Variants in ABLIM2 observed in about 807,000 individuals in gnomAD.
ABLIM2 encodes the protein actin-binding LIM protein 2.
Under a neutral mutation model 97.7 loss-of-function variants are expected in ABLIM2, and 53 were observed. That is an observed-to-expected ratio of 0.54 (90% CI 0.44 to 0.68). ABLIM2 has a LOEUF of 0.68. Among genes scored for constraint, ABLIM2 ranks in the 30% least tolerant of loss-of-function variants. The probability of loss-of-function intolerance (pLI) is 0.00; values close to 1 mark genes in which losing one functional copy is unlikely to be tolerated. For synonymous variants in ABLIM2, 361 were observed against 345.8 expected (o/e 1.04, Z -0.49); for missense variants, 835 against 867.2 (o/e 0.96, Z 0.47).
At chr4:8,011,363 T>A (rs957559937) in intron 14 of ABLIM2, among the ~76,000 whole-genome samples, 1 of 152,236 alleles carries the variant, frequency 6.6e-6, no homozygotes, top group Admixed American at 6.5e-5. Context: ...AAAAACCAGT[T>A]TGCTAGCCCA....
At chr4:8,066,043 C>T (rs1229342147) in intron 6 of ABLIM2, among the ~76,000 whole-genome samples, 3 of 143,766 alleles carry the variant, frequency 2.1e-5, no homozygotes, top group African/African-American at 5.2e-5. Context: ...GGCTCATGCC[C>T]GTAATCCCAG....
chr4:8,015,086 A>G lies in ABLIM2; in HGVS notation c.1423+4532T>C, dbSNP rs187630513. On this transcript the variant is annotated intron_variant, in intron 14 of 20. Transcript: ENST00000447017. The surrounding 1 kb of genome is among the most constrained non-coding windows in gnomAD (Gnocchi z 4.6). Reference sequence around the variant, plus strand: ...CAGGCGCCGGCCACCACACTTGGCTAATTTTTATATTGTTAGTGGAGACGG... The same window carrying G: ...CAGGCGCCGGCCACCACACTTGGCTGATTTTTATATTGTTAGTGGAGACGG... Among the ~76,000 whole-genome samples the G allele has an allele frequency of 1.5e-3, 231 of 152,062 alleles. 1 individual carries two copies. The highest frequency in any genetic ancestry group is 5.2e-3 in the African/African-American group (215 of 41,498).
rs931688709 is a variant in ABLIM2 at position 8,071,400 on chromosome 4, C to G, written c.675+6228G>C. On this transcript the variant is annotated intron_variant, in intron 6 of 20. Coordinates refer to ENST00000447017, the MANE Select transcript of ABLIM2 (RefSeq NM_001130083.2). The surrounding 1 kb of genome is among the most constrained non-coding windows in gnomAD (Gnocchi z 6.2). ...GGCCAACATGCATGAGGGTGCTGCA[C>G]GTTTAGGAGAAACTGAGGGAGAGAC... Among the ~76,000 whole-genome samples, 1 of 152,150 alleles carries G rather than the reference C, an allele frequency of 6.6e-6. No homozygotes were observed. Among genetic ancestry groups the G allele is most frequent in the African/African-American group, 2.4e-5 (1 of 41,426 alleles).
intron 1 of ABLIM2, among the ~76,000 whole-genome samples, chr4:8,144,400 C>T (rs895700934): frequency 2.6e-5 from 4 of 152,200 alleles, no homozygotes; most frequent in Non-Finnish European, 4.4e-5. Flanking sequence ...CCAGGGCCGC[C>T]GCTGGGGGAC....
rs556013777 is a variant in ABLIM2 at position 7,999,274 on chromosome 4, T to C, written c.1619-6347A>G. On this transcript the variant is annotated intron_variant, in intron 16 of 20. Transcript: ENST00000447017. The surrounding 1 kb of genome is among the most constrained non-coding windows in gnomAD (Gnocchi z 4.4). ...AGGTTTCTCCATGTTGGTCAGGCTA[T>C]CTCGAACTCCCGACCTCAGGTGATC... 2.0e-5 allele frequency among the ~76,000 whole-genome samples: 3 copies of C among 152,068 alleles called. No individual in the cohort carries two copies. The highest frequency in any genetic ancestry group is 1.5e-5 in the Non-Finnish European group (1 of 68,022).
At chr4:8,115,772 T>G (rs975270719) in intron 1 of ABLIM2, among the ~76,000 whole-genome samples, 7 of 152,152 alleles carry the variant, frequency 4.6e-5, no homozygotes, top group Non-Finnish European at 7.4e-5. Flanking sequence ...TGAACCTGGG[T>G]GGACCTCTGC....
intron 1 of ABLIM2, among the ~76,000 whole-genome samples, chr4:8,135,972 G>A (rs1046096861): frequency 1.3e-5 from 2 of 152,168 alleles, no homozygotes; most frequent in South Asian, 2.1e-4. Context: ...CTGCTGACAG[G>A]ACCATTAAAA....
intron 1 of ABLIM2, among the ~76,000 whole-genome samples, chr4:8,136,527 G>A (rs1024936082): frequency 1.6e-4 from 24 of 152,218 alleles, no homozygotes; most frequent in African/African-American, 5.5e-4. Flanking sequence ...AGACATGGGG[G>A]AAGGGCTCTG....
In ABLIM2 at chr4:8,009,090, G is replaced by C. The variant is rs781433817; in HGVS notation, c.1436C>G (p.Ser479Trp). 1 of 1,614,002 alleles carries C rather than the reference G, an allele frequency of 6.2e-7. No individual in the cohort carries two copies. Among genetic ancestry groups the C allele is most frequent in the South Asian group, 1.1e-5 (1 of 91,080 alleles). The part of the protein sequence containing the change: ...PIYRQHAARR[S>W]DGEDGSLDQD... ...GTCCAAGCTTCCATCCTCCCCATCC[G>C]ATCGCCTGGCAGCTGGAAGGGAAAA... The change falls in exon 15 of 21, where the codon TCG (serine) becomes TGG (tryptophan). Residue 479 changes from serine to tryptophan, a missense_variant. Transcript: ENST00000447017.
chr4:8,110,496 C>T (rs1287656215), intron 1 of ABLIM2, among the ~76,000 whole-genome samples: 2 of 152,146 alleles, frequency 1.3e-5, no homozygotes, highest in Admixed American at 6.5e-5. Flanking sequence ...TCTTGTGTTA[C>T]CTGGCCCCAA....
chr4:7,994,769 T>TGCAAG (rs1752002832), intron 16 of ABLIM2, among the ~76,000 whole-genome samples: 2 of 114,070 alleles, frequency 1.8e-5, no homozygotes, highest in African/African-American at 2.8e-5. Context: ...TGTTGTTTCC[T>TGCAAG]GACTTCATGT....
chr4:8,012,512 A>C (rs1377117736), intron 14 of ABLIM2, among the ~76,000 whole-genome samples: 1 of 119,512 alleles, frequency 8.4e-6, no homozygotes, highest in Non-Finnish European at 1.7e-5. Flanking sequence ...CCATCTACCC[A>C]CCCACCCATC....
At chr4:8,014,046 T>G (rs1766976565) in intron 14 of ABLIM2, among the ~76,000 whole-genome samples, 1 of 152,108 alleles carries the variant, frequency 6.6e-6, no homozygotes, top group Non-Finnish European at 1.5e-5. Context: ...GTGCCAGGGG[T>G]GCCAGCCAAG....
At position 8,083,337 on chromosome 4, in the gene ABLIM2, G is replaced by T. The variant is rs572674846; in HGVS notation, c.455-2535C>A. Among the ~76,000 whole-genome samples the T allele has an allele frequency of 6.6e-6, 1 of 152,330 alleles. No homozygotes were observed. Among genetic ancestry groups the T allele is most frequent in the African/African-American group, 2.4e-5 (1 of 41,574 alleles). On this transcript the variant is annotated intron_variant, in intron 4 of 20. Coordinates refer to ENST00000447017, the MANE Select transcript of ABLIM2 (RefSeq NM_001130083.2). The surrounding 1 kb of genome is among the most constrained non-coding windows in gnomAD (Gnocchi z 4.6). ...GTGATCCGTGAATAAATGCACACAC[G>T]TTGACCGGTGAGGTGGGCCCACCTC... is the stretch of plus-strand genomic sequence containing the variant.
chr4:8,106,461 G>A, intron 2 of ABLIM2, 33 bp downstream of exon 2: 2 of 1,574,884 alleles, frequency 1.3e-6, no homozygotes, highest in Non-Finnish European at 8.6e-7. Flanking sequence ...CCCGTTTCAG[G>A]GGCCACACTG....
chr4:7,967,065 C>T lies in ABLIM2; in HGVS notation c.1863G>A (p.Gly621=). The T allele has an allele frequency of 6.2e-7, 1 of 1,613,902 alleles. No homozygotes were observed. Among genetic ancestry groups the T allele is most frequent in the Non-Finnish European group, 8.5e-7 (1 of 1,179,938 alleles). The part of the protein sequence containing the change: ...LSPEEFQEVF[G]MSIEEFDRLA... The stretch of plus-strand genomic sequence containing the variant: ...GGCGGTCAAACTCCTCGATGCTCAT[C>T]CCAAACACTTCCTGGAACTCCTCGG... The change falls in exon 21 of 21, where the codon GGG becomes GGA. Residue 621 remains glycine (G), a synonymous_variant. Transcript: ENST00000447017.
intron 5 of ABLIM2, among the ~76,000 whole-genome samples, chr4:8,079,299 C>T (rs1465412508): frequency 6.6e-6 from 1 of 152,236 alleles, no homozygotes; most frequent in Non-Finnish European, 1.5e-5. Context: ...TCCATGGCAA[C>T]ACCAACGCCC....
rs1446533724 is a variant in ABLIM2 at position 8,059,522 on chromosome 4, GC to G, written c.763+1444del. ...TGCCTAAGGTGCCCCCTGTCCCCCG[GC>G]CCCCCCACTTGACATAACTATGCCT... is the stretch of plus-strand genomic sequence containing the variant. On this transcript the variant is annotated intron_variant, in intron 7 of 20. Coordinates refer to ENST00000447017, the MANE Select transcript of ABLIM2 (RefSeq NM_001130083.2). 1.8e-4 allele frequency among the ~76,000 whole-genome samples: 27 copies of G among 151,990 alleles called. No individual in the cohort carries two copies. In the East Asian group the frequency reaches 5.0e-3, roughly 28 times the overall value.
intron 17 of ABLIM2, among the ~76,000 whole-genome samples, chr4:7,988,693 A>G (rs1489879534): frequency 6.6e-6 from 1 of 152,242 alleles, no homozygotes; most frequent in Non-Finnish European, 1.5e-5. Flanking sequence ...TATGGAGCTT[A>G]TAAAAGATTT....
Sources: gnomAD v4.1 joint callset for allele counts (sites outside exome capture counted in the v4.1 genomes callset) on GRCh38, gnomAD v4.1.1 for gene constraint, Gnocchi (gnomAD v3.1) non-coding constraint, MANE v1.5 for transcripts, NCBI Gene and HGNC (gene_info 2026-07-23, HGNC 2026-07-21) for gene names.